The following LIPH variants were observed in gnomAD, a reference collection of about 807,000 sequenced individuals.
LIPH encodes lipase member H.
Under a neutral mutation model 47.6 loss-of-function variants are expected in LIPH, and 32 were observed. The observed-to-expected ratio is 0.67, with a 90% CI of 0.51 to 0.90. The LOEUF (loss-of-function observed/expected upper bound fraction) is 0.90, where lower values mean the gene tolerates loss of function less well. Among genes scored for constraint, LIPH ranks in the 40% least tolerant of loss-of-function variants. The probability of loss-of-function intolerance (pLI) is 0.00; values close to 1 mark genes in which losing one functional copy is unlikely to be tolerated. For missense variants in LIPH, 497 were observed against 541.4 expected (o/e 0.92, Z 0.81); for synonymous variants, 190 against 195.6 (o/e 0.97, Z 0.24).
chr3:185,516,928 A>G (rs1418472466), intron 7 of LIPH, 139 bp downstream of exon 7: 18 of 734,272 alleles, frequency 2.5e-5, no homozygotes, highest in Non-Finnish European at 3.7e-5. Flanking sequence ...TAGACTCAGG[A>G]GTCAACCGAG....
At chr3:185,529,965 G>GAAAGAAAGAAAGAAA (rs1553823294) in intron 3 of LIPH, among the ~76,000 whole-genome samples, 14 of 103,102 alleles carry the variant, frequency 1.4e-4, no homozygotes, top group South Asian at 3.3e-4. Flanking sequence ...AAAGAAAGAA[G>GAAAGAAAGAAAGAAA]GAAAGAAAGA....
chr3:185,508,957 G>A lies in LIPH; in HGVS notation c.1269-80C>T, dbSNP rs753272762. On this transcript the variant is annotated intron_variant, in intron 9 of 9. Transcript: ENST00000296252. ...CTAGTAAATAATATTATATCCTTAA[G>A]ATACAAAATTATTTAGCAATTGTTT... 13 of 881,226 alleles carry A rather than the reference G, an allele frequency of 1.5e-5. No homozygotes were observed. The South Asian group carries it at 1.8e-4, about 12-fold the overall frequency. 54.6% of individuals were successfully genotyped at this position (881,226 alleles called of 1,614,324 possible).
chr3:185,549,625 T>C (rs1230715481), intron 1 of LIPH, among the ~76,000 whole-genome samples: 1 of 152,162 alleles, frequency 6.6e-6, no homozygotes, highest in Non-Finnish European at 1.5e-5. Flanking sequence ...CCCTGAGGAA[T>C]TGTTAAAAAT....
chr3:185,532,264 C>T (rs1278720185), intron 3 of LIPH, among the ~76,000 whole-genome samples: 1 of 152,126 alleles, frequency 6.6e-6, no homozygotes, highest in Non-Finnish European at 1.5e-5. Context: ...GTAATCCCAG[C>T]ACTTTGGGAG....
intron 8 of LIPH, 123 bp from the exon 9 acceptor site, chr3:185,511,820 T>A: frequency 4.6e-5 from 9 of 194,640 alleles, no homozygotes; most frequent in Non-Finnish European, 8.0e-5. Context: ...ACCAGCTGAC[T>A]TTTTTTTTTT....
intron 9 of LIPH, among the ~76,000 whole-genome samples, chr3:185,510,072 G>GT (rs536386860): frequency 6.0e-5 from 9 of 150,900 alleles, no homozygotes; most frequent in Admixed American, 4.6e-4. Flanking sequence ...TCAGCCTCCC[G>GT]AGTAGCTGGG....
chr3:185,524,315 G>C (rs1244397532), intron 4 of LIPH, among the ~76,000 whole-genome samples, 155 bp from the exon 5 acceptor site: 2 of 152,136 alleles, frequency 1.3e-5, no homozygotes, highest in East Asian at 3.8e-4. Context: ...CACCCAGCTA[G>C]TTAGTTAGAA....
rs1451764263 is a variant in LIPH, at chr3:185,506,671, T to A, written c.*2119A>T. 6.6e-6 allele frequency: 1 copy of A among 151,688 alleles called. No individual in the cohort carries two copies. The highest frequency in any genetic ancestry group is 1.5e-5 in the Non-Finnish European group (1 of 67,958). The allele number at this position is 151,688 out of a possible 1,614,324, so 9.4% of individuals were successfully genotyped here. A position where few individuals can be genotyped will look rare whatever the true frequency, so the allele number is the denominator to read the frequency against. On this transcript the variant is annotated 3_prime_UTR_variant, in exon 10 of 10. Coordinates refer to ENST00000296252, the MANE Select transcript of LIPH (RefSeq NM_139248.3). ...CAAGATGGTGAAACCAGGTCTCTACTAAAAATACAAAAATTAGCCAGGCAT... is the reference window on the plus strand; with the variant it reads ...CAAGATGGTGAAACCAGGTCTCTACAAAAAATACAAAAATTAGCCAGGCAT...
Position 185,507,355 on chromosome 3 carries a change from C to CT in LIPH, c.*1434_*1435insA, listed in dbSNP as rs1719409523. The CT allele has an allele frequency of 5.3e-5, 4 of 76,094 alleles. No homozygotes were observed. The allele number at this position is 76,094 out of a possible 1,614,324, so 4.7% of individuals were successfully genotyped here. A position where few individuals can be genotyped will look rare whatever the true frequency, so the allele number is the denominator to read the frequency against. Reference sequence around the variant, plus strand: ...CCATTGCACTCCAGCCTAGGCAACTCCAAAAAAAAAAAAAGAGAGAGAGAG... The same window carrying CT: ...CCATTGCACTCCAGCCTAGGCAACTCTCAAAAAAAAAAAAAGAGAGAGAGAG... On this transcript the variant is annotated 3_prime_UTR_variant, in exon 10 of 10. Transcript: ENST00000296252.
At chr3:185,523,910 T>C (rs1719983785) in intron 5 of LIPH, among the ~76,000 whole-genome samples, 161 bp downstream of exon 5, 1 of 150,958 alleles carries the variant, frequency 6.6e-6, no homozygotes, top group East Asian at 2.0e-4. Context: ...TTAGTAGAGA[T>C]GGGGTTTCAC....
chr3:185,508,656 A>G lies in LIPH; in HGVS notation c.*134T>C. 1 of 714,862 alleles carries G rather than the reference A, an allele frequency of 1.4e-6. No individual in the cohort carries two copies. Among genetic ancestry groups the G allele is most frequent in the South Asian group, 1.5e-5 (1 of 66,282 alleles). 44.3% of individuals were successfully genotyped at this position (714,862 alleles called of 1,614,324 possible). On this transcript the variant is annotated 3_prime_UTR_variant, in exon 10 of 10. Coordinates refer to ENST00000296252, the MANE Select transcript of LIPH (RefSeq NM_139248.3). ...TTGTTTGATGTACAATGTGACATCC[A>G]TAGGACGCTACTGAAAAAAGCCTTG...
At chr3:185,510,669 C>T (rs1719533586) in intron 9 of LIPH, among the ~76,000 whole-genome samples, 1 of 152,128 alleles carries the variant, frequency 6.6e-6, no homozygotes, top group African/African-American at 2.4e-5. Flanking sequence ...TACTTGAGGC[C>T]AGGAGTTCAA....
Position 185,508,784 on chromosome 3 carries a change from C to T in LIPH, c.*6G>A. On this transcript the variant is annotated 3_prime_UTR_variant, in exon 10 of 10. Transcript: ENST00000296252. ...TATTATTTATGGCCATGTGTCCTGG[C>T]AACAGTTACAACTGCAACTCTGGGC... The T allele has an allele frequency of 6.2e-7, 1 of 1,602,720 alleles. No homozygotes were observed. Among genetic ancestry groups the T allele is most frequent in the East Asian group, 2.2e-5 (1 of 44,828 alleles).
chr3:185,546,970 C>T lies in LIPH; in HGVS notation c.49+5453G>A, dbSNP rs1483905435. The T allele has an allele frequency of 6.8e-6, 3 of 440,246 alleles. 1 individual carries two copies. Among genetic ancestry groups the T allele is most frequent in the South Asian group, 3.3e-5 (2 of 60,916 alleles). 27.3% of individuals were successfully genotyped at this position (440,246 alleles called of 1,614,324 possible). ...GACTCCTCATTCATATCCAAAGAGG[C>T]ATCTGTGAAAAAAGAAGACAGAATT... On this transcript the variant is annotated intron_variant, in intron 1 of 9. Transcript: ENST00000296252.
At chr3:185,540,908 G>A (rs963917338) in intron 1 of LIPH, among the ~76,000 whole-genome samples, 6 of 152,074 alleles carry the variant, frequency 3.9e-5, no homozygotes, top group Non-Finnish European at 8.8e-5. Context: ...CTGGATTTCC[G>A]ACTCGGAGTG....
In LIPH at chr3:185,513,175, AC is replaced by A. The variant is rs1719623697; in HGVS notation, c.1094+1234del. On this transcript the variant is annotated intron_variant, in intron 8 of 9. Transcript: ENST00000296252. The stretch of plus-strand genomic sequence containing the variant: ...GGCCAACATGTGAAAACCCGTCTCT[AC>A]TAAAAATATAAAAATTAGCTGGGCA... 2.0e-5 allele frequency among the ~76,000 whole-genome samples: 3 copies of A among 152,214 alleles called. No individual in the cohort carries two copies. In the South Asian group the frequency reaches 6.2e-4, roughly 32 times the overall value.
At chr3:185,528,213 GAAGA>G (rs1300391758) in intron 3 of LIPH, among the ~76,000 whole-genome samples, 1 of 128,372 alleles carries the variant, frequency 7.8e-6, no homozygotes, top group Non-Finnish European at 1.7e-5. Context: ...GCTCTGTCTC[GAAGA>G]AAGAAAGAGA....
intron 6 of LIPH, 66 bp downstream of exon 6, chr3:185,519,076 G>C (rs1719818505): frequency 2.9e-6 from 4 of 1,360,900 alleles, no homozygotes; most frequent in Non-Finnish European, 3.2e-6. Context: ...TGATAAAGTG[G>C]TTCTGGGATT....
At position 185,538,966 on chromosome 3, in the gene LIPH, TA is replaced by T. The variant is rs778401257; in HGVS notation, c.50-3835del. 6.7e-5 allele frequency among the ~76,000 whole-genome samples: 10 copies of T among 148,372 alleles called. No homozygotes were observed. In the East Asian group the frequency reaches 9.7e-4, roughly 14 times the overall value. ...ATATACATATATATACACATATATATATTTTTTTTTATTTTATTTTTTTGAG... is the reference window on the plus strand; with the variant it reads ...ATATACATATATATACACATATATATTTTTTTTTTATTTTATTTTTTTGAG... On this transcript the variant is annotated intron_variant, in intron 1 of 9. Transcript: ENST00000296252.
Sources: allele counts gnomAD v4.1 joint callset (sites outside exome capture counted in the v4.1 genomes callset), GRCh38; gene constraint gnomAD v4.1.1; transcripts MANE v1.5; gene names NCBI Gene and HGNC (gene_info 2026-07-23, HGNC 2026-07-21).